DENND2A: variants seen among roughly 807,000 people sequenced by gnomAD.
DENND2A encodes DENN domain containing 2A, also known as DENN domain-containing protein 2A.
A neutral mutation model predicts 105.3 loss-of-function variants in DENND2A; 53 were observed. The ratio of observed to expected loss-of-function variants is 0.50; its 90% CI spans 0.40 to 0.63. The LOEUF is 0.63. Ranked by LOEUF, DENND2A falls within the 30% of genes least tolerant of loss-of-function variation. The probability of loss-of-function intolerance (pLI) is 0.00; values close to 1 mark genes in which losing one functional copy is unlikely to be tolerated. For synonymous variants in DENND2A, 522 were observed against 508.4 expected (o/e 1.03, Z -0.36); for missense variants, 1,138 against 1,279.6 (o/e 0.89, Z 1.69).
rs17161631 is a variant in DENND2A at position 140,567,223 on chromosome 7, G to T, written c.1642C>A (p.Arg548=). The T allele has an allele frequency of 0.032, 51,236 of 1,613,274 alleles. 978 individuals carry two copies. The highest frequency in any genetic ancestry group is 0.047 in the South Asian group (4,310 of 90,852). Residue 548 remains arginine (R), a synonymous_variant, in exon 9 of 20, where the codon CGG becomes AGG. Coordinates refer to ENST00000496613, the MANE Select transcript of DENND2A (RefSeq NM_015689.5). The part of the protein sequence containing the change: ...NVKSRLKQAP[R]YPSLARELIE... ...AGTTCCCGGGCAAGTGATGGGTACC[G>T]AGGCGCCTGCTTCAGCCGGGACTTC...
chr7:140,624,858 G>GTTTTGTTTT (rs1800453232), intron 1 of DENND2A, among the ~76,000 whole-genome samples: 1 of 123,790 alleles, frequency 8.1e-6, no homozygotes, highest in African/African-American at 3.5e-5. Flanking sequence ...TGTTTTTTTT[G>GTTTTGTTTT]TTTTTTTTTG....
intron 12 of DENND2A, among the ~76,000 whole-genome samples, chr7:140,555,350 G>T (rs1797315015): frequency 6.6e-6 from 1 of 151,780 alleles, no homozygotes; most frequent in Non-Finnish European, 1.5e-5. Context: ...TGCTGGCCAG[G>T]CTTGTCTCGA....
chr7:140,577,573 T>C (rs753501015), intron 5 of DENND2A, among the ~76,000 whole-genome samples: 3 of 152,074 alleles, frequency 2.0e-5, no homozygotes, highest in Non-Finnish European at 4.4e-5. Flanking sequence ...AATTTTTGTA[T>C]TTTTAGTAGA....
chr7:140,532,991 C>CT (rs3042406), intron 14 of DENND2A, among the ~76,000 whole-genome samples: 3,693 of 120,094 alleles, frequency 0.031, 263 homozygotes, highest in African/African-American at 0.093. Context: ...AGGCTACCTG[C>CT]TTTTTTTTTT....
At chr7:140,596,063 A>G (rs944700121) in intron 3 of DENND2A, among the ~76,000 whole-genome samples, 1 of 152,098 alleles carries the variant, frequency 6.6e-6, no homozygotes, top group Non-Finnish European at 1.5e-5. Flanking sequence ...TACTAGGATC[A>G]CTCACAGGGT....
At chr7:140,543,230 T>TAC (rs1796748147) in intron 14 of DENND2A, among the ~76,000 whole-genome samples, 1 of 150,918 alleles carries the variant, frequency 6.6e-6, no homozygotes, top group East Asian at 2.0e-4. Context: ...GTGATCTTCC[T>TAC]ACCTCAGCTT....
At chr7:140,582,997 T>C (rs1798604607) in intron 5 of DENND2A, among the ~76,000 whole-genome samples, 1 of 152,142 alleles carries the variant, frequency 6.6e-6, no homozygotes, top group East Asian at 1.9e-4. Context: ...GAGATGTTTT[T>C]AAGATATATT....
At chr7:140,561,415 T>C (rs543082600) in intron 9 of DENND2A, among the ~76,000 whole-genome samples, 24 of 152,162 alleles carry the variant, frequency 1.6e-4, no homozygotes, top group Admixed American at 1.5e-3. Flanking sequence ...AAATATCTCA[T>C]ATCTGAATAT....
intron 1 of DENND2A, among the ~76,000 whole-genome samples, chr7:140,627,161 T>C (rs547638645): frequency 1.1e-4 from 17 of 152,328 alleles, no homozygotes; most frequent in African/African-American, 4.1e-4. Context: ...ATAATACTAA[T>C]AAGTAATAAT....
intron 14 of DENND2A, among the ~76,000 whole-genome samples, chr7:140,534,209 C>T (rs1038432899): frequency 1.3e-4 from 19 of 151,674 alleles, no homozygotes; most frequent in South Asian, 2.1e-4. Context: ...CTCAGCCTCC[C>T]GAGTTGCTGG....
intron 5 of DENND2A, among the ~76,000 whole-genome samples, chr7:140,579,143 A>T (rs1478652196): frequency 1.3e-5 from 2 of 151,856 alleles, no homozygotes; most frequent in South Asian, 2.1e-4. Context: ...AAATACAAAA[A>T]TTAGCTGGGC....
intron 6 of DENND2A, among the ~76,000 whole-genome samples, 169 bp downstream of exon 6, chr7:140,573,639 C>T (rs1798183039): frequency 6.6e-6 from 1 of 152,086 alleles, no homozygotes; most frequent in South Asian, 2.1e-4. Context: ...ATGATCAGGA[C>T]GAAGGTCCGG....
At chr7:140,520,194 T>C (rs1447433219) in intron 18 of DENND2A, among the ~76,000 whole-genome samples, 2 of 151,662 alleles carry the variant, frequency 1.3e-5, no homozygotes, top group East Asian at 3.9e-4. Context: ...TAATCCCAGC[T>C]ACTCGGGAGG....
At chr7:140,539,801 T>C (rs1796591232) in intron 14 of DENND2A, among the ~76,000 whole-genome samples, 1 of 152,256 alleles carries the variant, frequency 6.6e-6, no homozygotes, top group Admixed American at 6.5e-5. Context: ...ACCCTCTTCC[T>C]GTCTCAGAGC....
intron 1 of DENND2A, among the ~76,000 whole-genome samples, chr7:140,632,503 G>A (rs1800766891): frequency 6.6e-6 from 1 of 152,188 alleles, no homozygotes; most frequent in South Asian, 2.1e-4. Context: ...GCCACAAGGT[G>A]CAGTTTGCAG....
At chr7:140,573,503 T>C (rs1207545658) in intron 6 of DENND2A, among the ~76,000 whole-genome samples, 7 of 152,178 alleles carry the variant, frequency 4.6e-5, no homozygotes, top group Admixed American at 4.6e-4. Flanking sequence ...GGAGTTCTGT[T>C]TTTTGTGGCG....
intron 3 of DENND2A, among the ~76,000 whole-genome samples, chr7:140,593,472 T>G (rs183715016): frequency 1.3e-5 from 2 of 152,244 alleles, no homozygotes; most frequent in Non-Finnish European, 2.9e-5. Flanking sequence ...TGCCAAACAC[T>G]GTGATTCTGA....
At position 140,533,518 on chromosome 7, in the gene DENND2A, C is replaced by T. The variant is rs571124504; in HGVS notation, c.2328-6023G>A. On this transcript the variant is annotated intron_variant, in intron 14 of 19. Coordinates refer to ENST00000496613, the MANE Select transcript of DENND2A (RefSeq NM_015689.5). The stretch of plus-strand genomic sequence containing the variant: ...GTGTGAACCATCTGGAGGAGAAGGT[C>T]GTGGGAGCAAGGTCAGGAAAGATGA... 3.3e-5 allele frequency among the ~76,000 whole-genome samples: 5 copies of T among 152,234 alleles called. No individual in the cohort carries two copies. In the South Asian group the frequency reaches 6.2e-4, roughly 19 times the overall value.
intron 1 of DENND2A, among the ~76,000 whole-genome samples, chr7:140,609,097 T>C (rs1360572206): frequency 2.0e-5 from 3 of 152,210 alleles, no homozygotes; most frequent in Non-Finnish European, 4.4e-5. Context: ...GGTCTTGTGA[T>C]CCAAGTAGAC....
Sources: allele counts gnomAD v4.1 joint callset (sites outside exome capture counted in the v4.1 genomes callset), GRCh38; gene constraint gnomAD v4.1.1; transcripts MANE v1.5; gene names NCBI Gene and HGNC (gene_info 2026-07-23, HGNC 2026-07-21).